INPPL1: variants seen among roughly 807,000 people sequenced by gnomAD.
INPPL1 encodes phosphatidylinositol 3,4,5-trisphosphate 5-phosphatase 2.
INPPL1 carries 91 observed loss-of-function variants against 139.3 expected under a neutral mutation model. The observed-to-expected ratio is 0.65, with a 90% confidence interval of 0.55 to 0.78. The LOEUF is 0.78. Among genes scored for constraint, INPPL1 ranks in the 30% least tolerant of loss-of-function variants. INPPL1 has a pLI of 0.00. For synonymous variants in INPPL1, 719 were observed against 686.6 expected (o/e 1.05, Z -0.74); for missense variants, 1,411 against 1,665.6 (o/e 0.85, Z 2.66).
intron 1 of INPPL1, 141 bp downstream of exon 1, chr11:72,225,307 T>G (rs938918192): frequency 1.8e-5 from 22 of 1,222,524 alleles, no homozygotes; most frequent in Middle Eastern, 6.3e-4. Context: ...GAGCCTTGGC[T>G]TTCTCCTGGG....
intron 25 of INPPL1, 130 bp from the exon 26 acceptor site, chr11:72,236,994 T>G (rs1949004502): frequency 1.4e-6 from 1 of 730,114 alleles, no homozygotes; most frequent in African/African-American, 1.8e-5. Context: ...GCAGGTGATG[T>G]GCTCAAGGTC....
Position 72,229,659 on chromosome 11 carries a change from C to T in INPPL1, c.754-4C>T, listed in dbSNP as rs201713633. 4.3e-6 allele frequency: 7 copies of T among 1,613,982 alleles called. No homozygotes were observed. Among genetic ancestry groups the T allele is most frequent in the South Asian group, 1.1e-5 (1 of 91,086 alleles). ...TGTACAAGCCTGGTTCTTCCTCCCC[C>T]CAGAACCTGCCACAGACAGGGGAGC... On this transcript the variant is annotated splice_region_variant and splice_polypyrimidine_tract_variant and intron_variant, in intron 6 of 27. Coordinates refer to ENST00000298229, the MANE Select transcript of INPPL1 (RefSeq NM_001567.4).
chr11:72,235,140 G>A lies in INPPL1; in HGVS notation c.2440G>A (p.Glu814Lys), dbSNP rs769039713. 2.5e-6 allele frequency: 4 copies of A among 1,613,892 alleles called. No individual in the cohort carries two copies. The highest frequency in any genetic ancestry group is 2.2e-5 in the East Asian group (1 of 44,864). The part of the protein sequence containing the change: ...PTLKPILADI[E>K]YLQDQHLLLT... ...GCTCAAACCAATTCTGGCTGATATCGAGTACCTGCAGGACCAGCACCTCCT... is the reference window on the plus strand; with the variant it reads ...GCTCAAACCAATTCTGGCTGATATCAAGTACCTGCAGGACCAGCACCTCCT... Residue 814 changes from glutamate to lysine, a missense_variant, in exon 22 of 28, where the codon GAG becomes AAG. By Grantham distance (56) the Glu-to-Lys change is moderately conservative. Transcript: ENST00000298229. This position sits in a 1 kb window ranked among gnomAD's most constrained non-coding sequence, Gnocchi z 4.9.
intron 25 of INPPL1, among the ~76,000 whole-genome samples, chr11:72,236,728 C>A (rs899983722): frequency 3.3e-5 from 5 of 152,188 alleles, no homozygotes; most frequent in African/African-American, 1.2e-4. Context: ...GAATAAGACC[C>A]ACCTGAATCT....
chr11:72,229,116 C>T lies in INPPL1; in HGVS notation c.545C>T (p.Ser182Leu), dbSNP rs397514509. The change falls in exon 5 of 28, where the codon TCG becomes TTG. Residue 182 changes from serine (S) to leucine (L), a missense_variant. Coordinates refer to ENST00000298229, the MANE Select transcript of INPPL1 (RefSeq NM_001567.4). The stretch of plus-strand genomic sequence containing the variant: ...GCTCCCAATGGGCTGAGCACCGTCT[C>T]GCACGACTACCTGAAAGGCAGCTAT... ...ESAPNGLSTV[S>L]HDYLKGSYGL... is the part of the protein sequence containing the mutation. 15 of 1,613,196 alleles carry T rather than the reference C, an allele frequency of 9.3e-6. No homozygotes were observed. Among genetic ancestry groups the T allele is most frequent in the South Asian group, 3.3e-5 (3 of 90,964 alleles).
At chr11:72,236,075 G>A (rs1475011696) in intron 25 of INPPL1, 89 bp downstream of exon 25, 4 of 750,792 alleles carry the variant, frequency 5.3e-6, no homozygotes, top group Non-Finnish European at 8.6e-6. Context: ...TTGGCCTGGA[G>A]ATCATCAGCT....
At chr11:72,232,414 C>A in intron 14 of INPPL1, 78 bp downstream of exon 14, 1 of 1,350,658 alleles carries the variant, frequency 7.4e-7, no homozygotes, top group Non-Finnish European at 1.0e-6. Flanking sequence ...CATACCCTAG[C>A]CCATGACCCT....
At chr11:72,233,214 A>G (rs747112227) in intron 17 of INPPL1, 51 bp downstream of exon 17, 1 of 1,537,502 alleles carries the variant, frequency 6.5e-7, no homozygotes. Context: ...CCTGCGATGA[A>G]TCAAGAATTT....
chr11:72,238,114 G>C lies in INPPL1; in HGVS notation c.3625G>C (p.Gly1209Arg). The change falls in exon 27 of 28, where the codon GGC (glycine) becomes CGC (arginine). Residue 1209 changes from glycine to arginine, a missense_variant. This residue lies in a region of INPPL1 where 438 missense variants were observed against 425.7 expected (regional missense o/e 1.03). Transcript: ENST00000298229. The part of the protein sequence containing the change: ...AGMSAWLRAI[G>R]LERYEEGLVH... ...CATGAGTGCCTGGCTGCGGGCCATCGGCTTGGAGCGCTATGAGGAGGGCCT... is the reference window on the plus strand; with the variant it reads ...CATGAGTGCCTGGCTGCGGGCCATCCGCTTGGAGCGCTATGAGGAGGGCCT... The C allele has an allele frequency of 6.3e-7, 1 of 1,580,190 alleles. No homozygotes were observed. Among genetic ancestry groups the C allele is most frequent in the Non-Finnish European group, 8.6e-7 (1 of 1,162,996 alleles).
In INPPL1 at chr11:72,229,728, C is replaced by T. The variant is rs774613122; in HGVS notation, c.819C>T (p.Asp273=). The T allele has an allele frequency of 6.2e-7, 1 of 1,614,038 alleles. No homozygotes were observed. The highest frequency in any genetic ancestry group is 1.1e-5 in the South Asian group (1 of 91,088). Residue 273 remains aspartate (D), a synonymous_variant, in exon 7 of 28, where the codon GAC becomes GAT. Transcript: ENST00000298229. ...SLVLKLSVLK[D]FLSGIQKKAL... is the part of the protein sequence containing the mutation. ...TGCTGAAGCTGTCAGTGCTAAAGGA[C>T]TTCCTGTCAGGCATCCAGAAGAAGG...
At chr11:72,232,208 C>T in intron 13 of INPPL1, 32 bp from the exon 14 acceptor site, 1 of 1,517,124 alleles carries the variant, frequency 6.6e-7, no homozygotes, top group Non-Finnish European at 9.0e-7. Context: ...CTGAGGATGA[C>T]CCAGGCCTTC....
upstream of INPPL1, among the ~76,000 whole-genome samples, chr11:72,224,249 C>T (rs1307476849): frequency 6.6e-6 from 1 of 150,726 alleles, no homozygotes; most frequent in Non-Finnish European, 1.5e-5. Flanking sequence ...GGGGACGGTT[C>T]CCGTGGAGTT....
rs923628946 is a variant in INPPL1, at chr11:72,234,852, A to C, written c.2415+237A>C. Among the ~76,000 whole-genome samples the C allele has an allele frequency of 1.3e-5, 2 of 151,810 alleles. No homozygotes were observed. The highest frequency in any genetic ancestry group is 4.8e-5 in the African/African-American group (2 of 41,286). On this transcript the variant is annotated intron_variant, in intron 21 of 27. Transcript: ENST00000298229. The surrounding 1 kb of genome is among the most constrained non-coding windows in gnomAD (Gnocchi z 4.2). Reference sequence around the variant, plus strand: ...TGCAGTTTGTTCATTCATTCAGGAGATGCTTCTTGAGCTTTTGCTAGATGT... The same window carrying C: ...TGCAGTTTGTTCATTCATTCAGGAGCTGCTTCTTGAGCTTTTGCTAGATGT...
chr11:72,235,693 A>C lies in INPPL1; in HGVS notation c.2678A>C (p.Lys893Thr). The change falls in exon 24 of 28, where the codon AAG (lysine) becomes ACG (threonine). Residue 893 changes from lysine to threonine, a missense_variant. This residue lies in a region of INPPL1 where 99 missense variants were observed against 171.6 expected (regional missense o/e 0.58). Transcript: ENST00000298229. This position sits in a 1 kb window ranked among gnomAD's most constrained non-coding sequence, Gnocchi z 4.9. ...CCCTCAGAGTGGATCAGCATTGATA[A>C]GGATGAGGCAGGAGCAAAGAGCAAA... is the stretch of plus-strand genomic sequence containing the variant. ...ERLYEWISID[K>T]DEAGAKSKAP... The C allele has an allele frequency of 2.5e-6, 4 of 1,614,078 alleles. No individual in the cohort carries two copies. Among genetic ancestry groups the C allele is most frequent in the Non-Finnish European group, 3.4e-6 (4 of 1,179,972 alleles).
intron 1 of INPPL1, among the ~76,000 whole-genome samples, chr11:72,226,346 A>C (rs1352295401): frequency 1.3e-5 from 2 of 151,860 alleles, no homozygotes; most frequent in Non-Finnish European, 2.9e-5. Context: ...AAGCCCAGCT[A>C]ATTTTTGTAT....
chr11:72,233,202 G>C, intron 17 of INPPL1, 39 bp downstream of exon 17: 1 of 1,567,992 alleles, frequency 6.4e-7, no homozygotes, highest in South Asian at 1.1e-5. Flanking sequence ...GGGGACCGCA[G>C]GCCTGCGATG....
rs1288374637 is a variant in INPPL1 at position 72,235,517 on chromosome 11, G to A, written c.2659+66G>A. The A allele has an allele frequency of 1.4e-5, 22 of 1,577,740 alleles. No individual in the cohort carries two copies. The highest frequency in any genetic ancestry group is 1.8e-5 in the Non-Finnish European group (21 of 1,158,326). On this transcript the variant is annotated intron_variant, in intron 23 of 27. Transcript: ENST00000298229. The surrounding 1 kb of genome is among the most constrained non-coding windows in gnomAD (Gnocchi z 4.9). ...AGATCAAGGAGGGCAGGGTGCGGGGGGCATGTTGGAATCTCTGGGATACCT... is the reference window on the plus strand; with the variant it reads ...AGATCAAGGAGGGCAGGGTGCGGGGAGCATGTTGGAATCTCTGGGATACCT...
chr11:72,230,337 A>G lies in INPPL1; in HGVS notation c.1091-25A>G, dbSNP rs2276047. The G allele has an allele frequency of 0.24, 387,583 of 1,613,394 alleles. 54,263 individuals carry two copies. The highest frequency in any genetic ancestry group is 0.58 in the African/African-American group (43,862 of 74,996). ...GCCCCTGGCCTAGGGGCACAGGCCC[A>G]TGTGACCGGTCCTCCATGCCCTAGT... On this transcript the variant is annotated intron_variant, in intron 9 of 27. Transcript: ENST00000298229.
At position 72,232,612 on chromosome 11, in the gene INPPL1, A is replaced by C; in HGVS notation, c.1713-14A>C. On this transcript the variant is annotated splice_polypyrimidine_tract_variant and intron_variant, in intron 14 of 27. Transcript: ENST00000298229. ...GGGGATCTACCCCTCCCCACCACGCACCCCTCACCCTAGGAGGAACCAAAA... is the reference window on the plus strand; with the variant it reads ...GGGGATCTACCCCTCCCCACCACGCCCCCCTCACCCTAGGAGGAACCAAAA... 1.9e-6 allele frequency: 3 copies of C among 1,606,276 alleles called. No individual in the cohort carries two copies. The highest frequency in any genetic ancestry group is 2.5e-6 in the Non-Finnish European group (3 of 1,177,378).
Sources: gnomAD v4.1 joint callset for allele counts (sites outside exome capture counted in the v4.1 genomes callset) on GRCh38, gnomAD v4.1.1 for gene constraint, gnomAD v4.1.1 regional missense constraint, Gnocchi (gnomAD v3.1) non-coding constraint, MANE v1.5 for transcripts, NCBI Gene and HGNC (gene_info 2026-07-23, HGNC 2026-07-21) for gene names.